HPSE2: variants seen among roughly 807,000 people sequenced by gnomAD.
HPSE2 encodes the protein inactive heparanase-2.
Under a neutral mutation model 60.5 loss-of-function variants are expected in HPSE2, and 38 were observed. The ratio of observed to expected loss-of-function variants is 0.63; its 90% CI spans 0.48 to 0.82. The LOEUF is 0.82. Ranked by LOEUF, HPSE2 falls within the 40% of genes least tolerant of loss-of-function variation. The pLI is 0.00. For missense variants in HPSE2, 713 were observed against 740.4 expected (o/e 0.96, Z 0.43); for synonymous variants, 295 against 293.2 (o/e 1.01, Z -0.06).
intron 5 of HPSE2, among the ~76,000 whole-genome samples, chr10:98,703,870 C>T (rs1250140941): frequency 2.0e-5 from 3 of 152,128 alleles, no homozygotes; most frequent in Non-Finnish European, 2.9e-5. Context: ...GACAAGGATG[C>T]CGTCTCTCAC....
intron 3 of HPSE2, among the ~76,000 whole-genome samples, chr10:98,792,206 G>GT (rs150451358): frequency 0.039 from 5,757 of 146,912 alleles, 234 homozygotes; most frequent in East Asian, 0.17. Flanking sequence ...CAATCAAAAG[G>GT]TTTTTTTTTT....
intron 9 of HPSE2, among the ~76,000 whole-genome samples, chr10:98,522,363 T>A (rs1186651727): frequency 2.0e-5 from 3 of 152,156 alleles, no homozygotes; most frequent in African/African-American, 7.2e-5. Flanking sequence ...AACTAATAGG[T>A]ACTTTGCTGT....
At chr10:99,199,009 T>C (rs1041268233) in intron 2 of HPSE2, among the ~76,000 whole-genome samples, 6 of 152,190 alleles carry the variant, frequency 3.9e-5, no homozygotes, top group African/African-American at 1.4e-4. Context: ...TGTTGTCACA[T>C]ATGACAAAAC....
At chr10:98,781,828 T>C (rs542198766) in intron 3 of HPSE2, among the ~76,000 whole-genome samples, 403 of 151,698 alleles carry the variant, frequency 2.7e-3, no homozygotes, top group South Asian at 6.2e-4. Flanking sequence ...ATCTAGTCAT[T>C]TCACTTCTAG....
intron 9 of HPSE2, among the ~76,000 whole-genome samples, chr10:98,600,457 C>T (rs140731055): frequency 6.6e-6 from 1 of 152,112 alleles, no homozygotes; most frequent in Non-Finnish European, 1.5e-5. Context: ...CAATCATACA[C>T]TTACATACTC....
At chr10:99,177,174 A>G (rs1847559192) in intron 2 of HPSE2, among the ~76,000 whole-genome samples, 1 of 152,196 alleles carries the variant, frequency 6.6e-6, no homozygotes, top group Non-Finnish European at 1.5e-5. Context: ...AACATACCAA[A>G]TTGTAAAGAC....
Position 98,693,894 on chromosome 10 carries a change from A to G in HPSE2, c.1004+6T>C. ...ATAAGTAAGAGCAAAAATGGTGAAT[A>G]CCTACTGTTGCCAGGTAACTGCATC... On this transcript the variant is annotated splice_donor_region_variant and intron_variant, in intron 6 of 11. Coordinates refer to ENST00000370552, the MANE Select transcript of HPSE2 (RefSeq NM_021828.5). 6.2e-7 allele frequency: 1 copy of G among 1,607,744 alleles called. No homozygotes were observed. Among genetic ancestry groups the G allele is most frequent in the East Asian group, 2.2e-5 (1 of 44,836 alleles).
intron 6 of HPSE2, among the ~76,000 whole-genome samples, chr10:98,664,500 G>A (rs1344816002): frequency 2.0e-5 from 3 of 152,152 alleles, no homozygotes; most frequent in Non-Finnish European, 1.5e-5. Flanking sequence ...CCACCGATCA[G>A]AAGGGGCTCT....
chr10:98,468,363 G>C (rs1040573241), intron 11 of HPSE2, among the ~76,000 whole-genome samples: 3 of 151,774 alleles, frequency 2.0e-5, no homozygotes, highest in African/African-American at 7.3e-5. Flanking sequence ...GACCCTCTCT[G>C]GGGTGCTCCC....
intron 6 of HPSE2, among the ~76,000 whole-genome samples, chr10:98,679,675 C>CT (rs745780025): frequency 1.1e-4 from 17 of 151,936 alleles, no homozygotes; most frequent in Non-Finnish European, 2.2e-4. Flanking sequence ...AATAAGAACA[C>CT]TTTGTGGGAT....
chr10:99,138,227 A>T (rs1262868631), intron 3 of HPSE2, among the ~76,000 whole-genome samples: 1 of 152,236 alleles, frequency 6.6e-6, no homozygotes, highest in Non-Finnish European at 1.5e-5. Flanking sequence ...TGATCATTGA[A>T]AAGTCAGGAA....
rs549141860 is a variant in HPSE2 at position 98,771,680 on chromosome 10, T to C, written c.611-27624A>G. Among the ~76,000 whole-genome samples the C allele has an allele frequency of 5.9e-5, 9 of 152,308 alleles. No homozygotes were observed. The East Asian group carries it at 1.4e-3, about 23-fold the overall frequency. The stretch of plus-strand genomic sequence containing the variant: ...AAGAGCTTGATCAAGGGGGCCAGGA[T>C]GTACAACTGGATAACCAAGAATTCA... On this transcript the variant is annotated intron_variant, in intron 3 of 11. Coordinates refer to ENST00000370552, the MANE Select transcript of HPSE2 (RefSeq NM_021828.5).
At chr10:99,269,120 C>T in the HPSE2 span, among the ~76,000 whole-genome samples, 82,653 of 151,592 alleles carry the variant, frequency 0.55, 24,340 homozygotes, top group East Asian at 0.66. Context: ...GATCATGCCA[C>T]TGCACTCCGG....
At chr10:99,139,791 C>T (rs978336149) in intron 3 of HPSE2, among the ~76,000 whole-genome samples, 1 of 152,120 alleles carries the variant, frequency 6.6e-6, no homozygotes, top group Non-Finnish European at 1.5e-5. Flanking sequence ...AAGGAACCAT[C>T]TACTTCATTT....
intron 2 of HPSE2, among the ~76,000 whole-genome samples, chr10:99,153,176 G>C (rs1846356785): frequency 6.6e-6 from 1 of 152,208 alleles, no homozygotes; most frequent in Non-Finnish European, 1.5e-5. Context: ...GGCTGGGGGA[G>C]GGGCGCCCGC....
chr10:99,111,793 G>C (rs558521396), intron 3 of HPSE2, among the ~76,000 whole-genome samples: 2 of 152,262 alleles, frequency 1.3e-5, no homozygotes, highest in African/African-American at 4.8e-5. Flanking sequence ...TGTAAGAGTA[G>C]GAAACTTTTA....
At chr10:98,934,497 G>A (rs1954733454) in intron 3 of HPSE2, among the ~76,000 whole-genome samples, 1 of 144,272 alleles carries the variant, frequency 6.9e-6, no homozygotes, top group East Asian at 2.0e-4. Flanking sequence ...TTCAGCATTT[G>A]CTTGTCTGAA....
chr10:98,869,788 G>A (rs1952684806), intron 3 of HPSE2, among the ~76,000 whole-genome samples: 1 of 152,160 alleles, frequency 6.6e-6, no homozygotes, highest in Admixed American at 6.6e-5. Context: ...TCATGGGCAA[G>A]TAATTTCTCT....
At chr10:98,898,428 A>G (rs1953560414) in intron 3 of HPSE2, among the ~76,000 whole-genome samples, 1 of 152,232 alleles carries the variant, frequency 6.6e-6, no homozygotes, top group Non-Finnish European at 1.5e-5. Flanking sequence ...CCACAAAGAC[A>G]TGGATTAATC....
Sources: allele counts gnomAD v4.1 joint callset (sites outside exome capture counted in the v4.1 genomes callset), GRCh38; gene constraint gnomAD v4.1.1; transcripts MANE v1.5; gene names NCBI Gene and HGNC (gene_info 2026-07-23, HGNC 2026-07-21).